MAP4K4: variants seen among roughly 807,000 people sequenced by gnomAD.
MAP4K4 encodes the protein HPK/GCK-like kinase HGK.
A neutral mutation model predicts 189.6 loss-of-function variants in MAP4K4; 38 were observed. That is an observed-to-expected ratio of 0.20 (90% CI 0.15 to 0.26). The LOEUF (loss-of-function observed/expected upper bound fraction) is 0.26, where lower values mean the gene tolerates loss of function less well. Among genes scored for constraint, MAP4K4 ranks in the 10% least tolerant of loss-of-function variants. The pLI, the probability that MAP4K4 is intolerant of heterozygous loss-of-function variation, is 1.00. For synonymous variants in MAP4K4, 610 were observed against 624.3 expected (o/e 0.98, Z 0.34); for missense variants, 1,054 against 1,726.9 (o/e 0.61, Z 6.91).
chr2:101,778,192 G>A (rs1224636134), intron 2 of MAP4K4, among the ~76,000 whole-genome samples: 4 of 152,110 alleles, frequency 2.6e-5, no homozygotes, highest in African/African-American at 4.8e-5. Context: ...TCTGAATCCC[G>A]GGGAAGAAGC....
intron 5 of MAP4K4, among the ~76,000 whole-genome samples, chr2:101,829,012 G>A (rs371724489): frequency 1.3e-5 from 2 of 152,196 alleles, no homozygotes; most frequent in East Asian, 3.9e-4. Context: ...GGATGGAGGT[G>A]GGATTGATCA....
chr2:101,864,951 C>A, exon 18 of MAP4K4: 1 of 1,575,108 alleles, frequency 6.3e-7, no homozygotes. Flanking sequence ...AACAACATCT[C>A]GCTCCCCTGT....
At chr2:101,850,998 T>G (rs774929466) in intron 12 of MAP4K4, among the ~76,000 whole-genome samples, 4 of 152,096 alleles carry the variant, frequency 2.6e-5, no homozygotes, top group Non-Finnish European at 5.9e-5. Flanking sequence ...TCAAAATATG[T>G]TAGTTTCCAC....
chr2:101,773,873 A>G (rs1362594168), intron 2 of MAP4K4, among the ~76,000 whole-genome samples: 1 of 152,198 alleles, frequency 6.6e-6, no homozygotes, highest in South Asian at 2.1e-4. Context: ...CGCTTAACAT[A>G]GTGATCTCCA....
intron 28 of MAP4K4, 41 bp downstream of exon 28, chr2:101,882,726 G>T: frequency 2.7e-6 from 4 of 1,473,966 alleles, no homozygotes; most frequent in Admixed American, 2.5e-5. Flanking sequence ...TCCAGAGTTT[G>T]ATTAGAGTTT....
chr2:101,770,066 G>A (rs983682717), intron 2 of MAP4K4, among the ~76,000 whole-genome samples: 3 of 152,274 alleles, frequency 2.0e-5, no homozygotes, highest in Middle Eastern at 6.8e-3. Flanking sequence ...CTAGGAGGAT[G>A]AGCTCACTTC....
intron 2 of MAP4K4, among the ~76,000 whole-genome samples, chr2:101,703,888 C>T (rs1029216861): frequency 2.0e-5 from 3 of 151,884 alleles, no homozygotes; most frequent in African/African-American, 7.2e-5. Context: ...GCGCGTGCCT[C>T]TAGTCCCAGC....
intron 2 of MAP4K4, among the ~76,000 whole-genome samples, chr2:101,722,119 GTAT>G (rs1422415658): frequency 6.6e-6 from 1 of 152,154 alleles, no homozygotes; most frequent in Non-Finnish European, 1.5e-5. Context: ...GTACATCTTG[GTAT>G]ATCTTGGGGA....
intron 20 of MAP4K4, 157 bp from the exon 21 acceptor site, chr2:101,867,872 G>C: frequency 2.9e-6 from 2 of 691,474 alleles, no homozygotes; most frequent in Non-Finnish European, 5.1e-6. Flanking sequence ...AATTGTGCAC[G>C]CTTTGTGGAA....
At chr2:101,744,366 A>T in intron 2 of MAP4K4, among the ~76,000 whole-genome samples, 1 of 152,234 alleles carries the variant, frequency 6.6e-6, no homozygotes, top group East Asian at 1.9e-4. Flanking sequence ...TTTACAGCAC[A>T]TCTCAGTTGA....
Position 101,781,438 on chromosome 2 carries a change from C to T in MAP4K4, c.124-9282C>T, listed in dbSNP as rs982224217. Among the ~76,000 whole-genome samples the T allele has an allele frequency of 2.6e-5, 4 of 152,118 alleles. No homozygotes were observed. The South Asian group carries it at 6.2e-4, about 24-fold the overall frequency. The stretch of plus-strand genomic sequence containing the variant: ...TTAAATGAACAGGAATTTATTGGCT[C>T]ATGACTCTGGAGGCTGAGAAGCCAA... On this transcript the variant is annotated intron_variant, in intron 2 of 32. Coordinates refer to ENST00000324219, the Ensembl canonical transcript of MAP4K4.
intron 3 of MAP4K4, among the ~76,000 whole-genome samples, chr2:101,804,503 G>A (rs1219680545): frequency 1.3e-5 from 2 of 152,120 alleles, no homozygotes; most frequent in Non-Finnish European, 2.9e-5. Context: ...TTATCTGATG[G>A]TTATCATGAT....
At chr2:101,729,292 T>C (rs1264328158) in intron 2 of MAP4K4, among the ~76,000 whole-genome samples, 2 of 152,102 alleles carry the variant, frequency 1.3e-5, no homozygotes, top group Non-Finnish European at 2.9e-5. Context: ...AGTGACAGAG[T>C]GGACAGTGCT....
At chr2:101,889,166 G>C (rs2098530274) in intron 32 of MAP4K4, among the ~76,000 whole-genome samples, 1 of 152,122 alleles carries the variant, frequency 6.6e-6, no homozygotes, top group African/African-American at 2.4e-5. Context: ...GTTTTGCTTT[G>C]TATATGTATT....
At chr2:101,768,261 T>C (rs1410082192) in intron 2 of MAP4K4, among the ~76,000 whole-genome samples, 3 of 152,240 alleles carry the variant, frequency 2.0e-5, no homozygotes, top group African/African-American at 7.2e-5. Flanking sequence ...TTGATCTGTT[T>C]CCTCTTTAAT....
intron 2 of MAP4K4, among the ~76,000 whole-genome samples, chr2:101,716,975 A>G (rs948187085): frequency 6.6e-6 from 1 of 152,216 alleles, no homozygotes; most frequent in Non-Finnish European, 1.5e-5. Flanking sequence ...GGAGATAAAT[A>G]TGTACATTTA....
chr2:101,829,697 G>A, intron 6 of MAP4K4, 103 bp downstream of exon 6: 1 of 757,248 alleles, frequency 1.3e-6, no homozygotes, highest in Non-Finnish European at 2.3e-6. Flanking sequence ...TCTTACCCAT[G>A]TTTTCTATTT....
intron 9 of MAP4K4, among the ~76,000 whole-genome samples, chr2:101,836,445 G>A (rs560319191): frequency 4.6e-5 from 7 of 152,132 alleles, no homozygotes; most frequent in South Asian, 2.1e-4. Context: ...AAAATTAGCC[G>A]GGCGTGGTGG....
In MAP4K4 at chr2:101,876,239, C is replaced by T. The variant is rs1015177637; in HGVS notation, c.3242-764C>T. Among the ~76,000 whole-genome samples, 78 of 152,128 alleles carry T rather than the reference C, an allele frequency of 5.1e-4. 1 individual carries two copies. The highest frequency in any genetic ancestry group is 1.8e-3 in the African/African-American group (75 of 41,482). On this transcript the variant is annotated intron_variant, in intron 26 of 32. Coordinates refer to ENST00000324219, the Ensembl canonical transcript of MAP4K4. Reference sequence around the variant, plus strand: ...GAATTAGGAGTTACTGGTTCTGAGGCACACTCATGCACAGGTGGGTGGGTG... The same window carrying T: ...GAATTAGGAGTTACTGGTTCTGAGGTACACTCATGCACAGGTGGGTGGGTG...
Sources: gnomAD v4.1 joint callset for allele counts (sites outside exome capture counted in the v4.1 genomes callset) on GRCh38, gnomAD v4.1.1 for gene constraint, MANE v1.5 for transcripts, NCBI Gene and HGNC (gene_info 2026-07-23, HGNC 2026-07-21) for gene names.